SCN8A: variants seen among roughly 807,000 people sequenced by gnomAD.
SCN8A encodes the protein sodium voltage-gated channel alpha subunit 8.
A neutral mutation model predicts 184.1 loss-of-function variants in SCN8A; 30 were observed. The observed-to-expected ratio is 0.16, with a 90% CI of 0.12 to 0.22. SCN8A has a LOEUF of 0.22. Ranked by LOEUF, SCN8A falls within the 10% of genes least tolerant of loss-of-function variation. The pLI, the probability that SCN8A is intolerant of heterozygous loss-of-function variation, is 1.00. For missense variants in SCN8A, 1,057 were observed against 2,498.9 expected, an observed-to-expected ratio of 0.42 and a Z score of 12.30; for synonymous variants, 852 against 907.0, an observed-to-expected ratio of 0.94 and a Z score of 1.09.
At position 51,754,621 on chromosome 12, in the gene SCN8A, A is replaced by T. The variant is rs188217814; in HGVS notation, c.2370+3028A>T. On this transcript the variant is annotated intron_variant, in intron 14 of 26. Coordinates refer to ENST00000627620, the MANE Select transcript of SCN8A (RefSeq NM_001330260.2). ...CAGTGGTATCCTCTGTAACAAAAGG[A>T]TGCAGTTTTAGGATTACCCCATTAC... 8.5e-5 allele frequency among the ~76,000 whole-genome samples: 13 copies of T among 152,264 alleles called. 1 individual carries two copies. Among genetic ancestry groups the T allele is most frequent in the Admixed American group, 7.8e-4 (12 of 15,294 alleles).
At chr12:51,673,207 CAATAT>C (rs1941162674) in intron 2 of SCN8A, among the ~76,000 whole-genome samples, 1 of 152,078 alleles carries the variant, frequency 6.6e-6, no homozygotes. Context: ...TATTCCCAAA[CAATAT>C]AGTATAACTA....
At chr12:51,787,638 A>G (rs2138905910) in intron 22 of SCN8A, among the ~76,000 whole-genome samples, 1 of 152,370 alleles carries the variant, frequency 6.6e-6, no homozygotes, top group Middle Eastern at 3.4e-3. Context: ...CACAATTCCC[A>G]GCATATAACC....
chr12:51,722,201 C>G (rs1048202994), intron 12 of SCN8A: 1 of 537,032 alleles, frequency 1.9e-6, no homozygotes, highest in African/African-American at 1.9e-5. Flanking sequence ...CATTCCTTCT[C>G]CCCTATCAAC....
intron 2 of SCN8A, among the ~76,000 whole-genome samples, chr12:51,675,429 A>G (rs1214089528): frequency 6.6e-6 from 1 of 152,236 alleles, no homozygotes; most frequent in Non-Finnish European, 1.5e-5. Flanking sequence ...TATCTTCATC[A>G]AACTGAACTT....
chr12:51,725,020 C>T (rs566069124), intron 12 of SCN8A, among the ~76,000 whole-genome samples: 1 of 152,230 alleles, frequency 6.6e-6, no homozygotes, highest in African/African-American at 2.4e-5. Flanking sequence ...ACCCTATAAA[C>T]ACTTAGGAGG....
intron 1 of SCN8A, among the ~76,000 whole-genome samples, chr12:51,606,269 G>A (rs1324010759): frequency 6.6e-6 from 1 of 152,128 alleles, no homozygotes; most frequent in Non-Finnish European, 1.5e-5. Context: ...TTTTGTATAA[G>A]GTGAGAGATG....
chr12:51,775,624 C>A (rs911725235), intron 20 of SCN8A, among the ~76,000 whole-genome samples: 2 of 152,210 alleles, frequency 1.3e-5, no homozygotes, highest in African/African-American at 2.4e-5. Context: ...CTGTACCCCC[C>A]ACAGACAGAA....
Position 51,807,295 on chromosome 12 carries a change from A to C in SCN8A, c.5809A>C (p.Ser1937Arg), listed in dbSNP as rs796053230. The C allele has an allele frequency of 1.9e-6, 3 of 1,613,880 alleles. No homozygotes were observed. The Admixed American group carries it at 5.0e-5, about 27-fold the overall frequency. Residue 1937 changes from serine to arginine, a missense_variant, in exon 27 of 27, where the codon AGC becomes CGC. Transcript: ENST00000627620. The surrounding 1 kb of genome is among the most constrained non-coding windows in gnomAD (Gnocchi z 4.5). ...AGGCACACACCGGGAGAAAAAAGAG[A>C]GCACCCCATCTACAGCCTCCCTCCC... ...NGGTHREKKESTPSTASLPSY... is the reference protein window; with the variant it reads ...NGGTHREKKERTPSTASLPSY...
intron 5 of SCN8A, among the ~76,000 whole-genome samples, chr12:51,688,193 T>C (rs1000055724): frequency 8.0e-5 from 12 of 149,172 alleles, no homozygotes; most frequent in Non-Finnish European, 1.4e-4. Flanking sequence ...TAACACAATA[T>C]TTGCTCTGAT....
chr12:51,663,925 T>C (rs1206219689), intron 2 of SCN8A, among the ~76,000 whole-genome samples: 5 of 143,474 alleles, frequency 3.5e-5, no homozygotes, highest in Non-Finnish European at 7.6e-5. Context: ...TTTTTTTTTT[T>C]TTGAGATGGA....
At chr12:51,730,616 T>A (rs540302786) in intron 12 of SCN8A, among the ~76,000 whole-genome samples, 2 of 152,298 alleles carry the variant, frequency 1.3e-5, no homozygotes, top group East Asian at 3.9e-4. Flanking sequence ...GTACATGAGA[T>A]ACTTTGATAC....
At chr12:51,660,780 C>T (rs1048964314) in intron 1 of SCN8A, among the ~76,000 whole-genome samples, 14 of 152,066 alleles carry the variant, frequency 9.2e-5, no homozygotes, top group Admixed American at 9.2e-4. Context: ...ATGCTTGAAA[C>T]ATAGTATGTG....
At chr12:51,752,255 A>G (rs1159923082) in intron 14 of SCN8A, among the ~76,000 whole-genome samples, 1 of 152,208 alleles carries the variant, frequency 6.6e-6, no homozygotes, top group African/African-American at 2.4e-5. Context: ...TAGATAGTAA[A>G]GAATTAGTGA....
intron 26 of SCN8A, among the ~76,000 whole-genome samples, chr12:51,802,298 G>A (rs1022501991): frequency 6.6e-6 from 1 of 152,156 alleles, no homozygotes; most frequent in Admixed American, 6.5e-5. Context: ...CAGCCTGGGT[G>A]GGGGAAGGGA....
intron 2 of SCN8A, among the ~76,000 whole-genome samples, chr12:51,679,476 C>T (rs1268073652): frequency 6.6e-6 from 1 of 152,140 alleles, no homozygotes; most frequent in Admixed American, 6.5e-5. Context: ...GAAACACAGC[C>T]ACTCTTCTTG....
At chr12:51,713,016 T>C in intron 11 of SCN8A, 2 of 1,569,776 alleles carry the variant, frequency 1.3e-6, no homozygotes, top group South Asian at 1.1e-5. Flanking sequence ...CCTTTTTCAC[T>C]TCACAATTAT....
chr12:51,688,716 C>T (rs1347519752), intron 5 of SCN8A: 1 of 1,411,974 alleles, frequency 7.1e-7, no homozygotes, highest in Non-Finnish European at 1.0e-6. Context: ...AAACCCTCGC[C>T]CAGTGGTACC....
intron 11 of SCN8A, chr12:51,713,176 T>C (rs1345807287): frequency 8.4e-7 from 1 of 1,191,774 alleles, no homozygotes; most frequent in African/African-American, 1.5e-5. Flanking sequence ...TTCAAAGTAG[T>C]CTCTCAAATT....
intron 26 of SCN8A, among the ~76,000 whole-genome samples, chr12:51,799,626 C>T (rs1445657390): frequency 6.6e-6 from 1 of 152,202 alleles, no homozygotes; most frequent in Non-Finnish European, 1.5e-5. Flanking sequence ...AGTGGCAGAG[C>T]AGCTTGCACA....
Sources: allele counts gnomAD v4.1 joint callset (sites outside exome capture counted in the v4.1 genomes callset), GRCh38; gene constraint gnomAD v4.1.1; non-coding constraint Gnocchi (gnomAD v3.1); transcripts MANE v1.5; gene names NCBI Gene and HGNC (gene_info 2026-07-23, HGNC 2026-07-21).